MAGI2: variants seen among roughly 807,000 people sequenced by gnomAD.
MAGI2 encodes the protein membrane associated guanylate kinase, WW and PDZ domain containing 2, also known as membrane-associated guanylate kinase, WW and PDZ domain-containing protein 2.
MAGI2 carries 35 observed loss-of-function variants against 133.3 expected under a neutral mutation model. The observed-to-expected ratio is 0.26, with a 90% CI of 0.20 to 0.35. The LOEUF (loss-of-function observed/expected upper bound fraction) is 0.35. Among genes scored for constraint, MAGI2 ranks in the 10% least tolerant of loss-of-function variants. MAGI2 has a pLI of 1.00. For missense variants in MAGI2, 1,636 were observed against 1,863.4 expected (o/e 0.88, Z 2.25); for synonymous variants, 729 against 710.6 (o/e 1.03, Z -0.41).
At chr7:78,653,775 TAAAA>T (rs3085457) in intron 2 of MAGI2, among the ~76,000 whole-genome samples, 35 of 142,904 alleles carry the variant, frequency 2.4e-4, no homozygotes, top group Admixed American at 7.0e-4. Flanking sequence ...TGAAGTATGA[TAAAA>T]AAAAAAAAAA....
chr7:78,315,030 T>C (rs1031445544), intron 9 of MAGI2, among the ~76,000 whole-genome samples: 6 of 152,168 alleles, frequency 3.9e-5, no homozygotes, highest in South Asian at 2.1e-4. Context: ...TTTGTAATTT[T>C]GTGGTTCACA....
At chr7:78,573,047 A>G (rs1291188397) in intron 3 of MAGI2, among the ~76,000 whole-genome samples, 62 of 75,308 alleles carry the variant, frequency 8.2e-4, no homozygotes, top group South Asian at 5.9e-3. Context: ...ATATATATAT[A>G]TATATATATA....
intron 1 of MAGI2, among the ~76,000 whole-genome samples, chr7:79,398,209 A>C (rs1845199759): frequency 1.3e-5 from 2 of 152,218 alleles, no homozygotes; most frequent in Non-Finnish European, 2.9e-5. Flanking sequence ...CATGGCAGCA[A>C]CATGTGATCT....
intron 4 of MAGI2, among the ~76,000 whole-genome samples, chr7:78,519,413 G>T (rs763719508): frequency 6.6e-6 from 1 of 152,022 alleles, no homozygotes; most frequent in Non-Finnish European, 1.5e-5. Flanking sequence ...ACAGTATAAG[G>T]GCCACTTGTC....
chr7:78,666,483 T>G (rs372489924), intron 2 of MAGI2, among the ~76,000 whole-genome samples: 1 of 152,112 alleles, frequency 6.6e-6, no homozygotes, highest in Non-Finnish European at 1.5e-5. Context: ...CCTTTGAAAG[T>G]TGTAGAGAAC....
chr7:79,266,173 A>G (rs555363255), intron 1 of MAGI2, among the ~76,000 whole-genome samples: 7 of 151,798 alleles, frequency 4.6e-5, no homozygotes, highest in Non-Finnish European at 1.0e-4. Flanking sequence ...CAGGATCCTG[A>G]CCCCATATGG....
At chr7:78,191,193 G>A (rs1031969212) in intron 12 of MAGI2, among the ~76,000 whole-genome samples, 1 of 151,468 alleles carries the variant, frequency 6.6e-6, no homozygotes, top group Non-Finnish European at 1.5e-5. Flanking sequence ...GTAAGTTTAA[G>A]CTTATATGGA....
At chr7:79,290,055 C>T (rs1836343909) in intron 1 of MAGI2, among the ~76,000 whole-genome samples, 1 of 151,948 alleles carries the variant, frequency 6.6e-6, no homozygotes, top group Admixed American at 6.6e-5. Context: ...AATCTATATG[C>T]CCAGCCTCCA....
chr7:78,560,944 G>C (rs986944516), intron 3 of MAGI2, among the ~76,000 whole-genome samples: 1 of 152,128 alleles, frequency 6.6e-6, no homozygotes, highest in African/African-American at 2.4e-5. Context: ...ACTTTCTCAG[G>C]CATTATACAC....
intron 2 of MAGI2, among the ~76,000 whole-genome samples, chr7:78,995,066 A>T (rs1266038798): frequency 6.6e-6 from 1 of 152,126 alleles, no homozygotes; most frequent in Admixed American, 6.6e-5. Context: ...AAAAAATAAA[A>T]TAAAAGGTTT....
chr7:78,834,469 C>T (rs1791445437), intron 2 of MAGI2, among the ~76,000 whole-genome samples: 1 of 152,192 alleles, frequency 6.6e-6, no homozygotes, highest in African/African-American at 2.4e-5. Context: ...GCTTCTTTCA[C>T]TTAGTGAAAT....
At chr7:79,378,218 G>A (rs1222803481) in intron 1 of MAGI2, among the ~76,000 whole-genome samples, 1 of 151,408 alleles carries the variant, frequency 6.6e-6, no homozygotes, top group African/African-American at 2.4e-5. Flanking sequence ...TCTGAAACTG[G>A]GAGACAACAG....
At chr7:78,644,193 T>C (rs1475312211) in intron 2 of MAGI2, among the ~76,000 whole-genome samples, 4 of 152,086 alleles carry the variant, frequency 2.6e-5, no homozygotes, top group African/African-American at 9.7e-5. Context: ...TACATGGAGC[T>C]ACAAAGAAAA....
At chr7:78,252,217 A>T (rs965564622) in intron 10 of MAGI2, 8 of 151,640 alleles carry the variant, frequency 5.3e-5, no homozygotes, top group Admixed American at 4.6e-4. Context: ...TAGCCACATT[A>T]TTTTGAAAAA....
In MAGI2 at chr7:78,284,465, TA is replaced by T. The variant is rs767556695; in HGVS notation, c.1409-27885del. ...GTTTTCTTTTCTTTTTTTTTTTTTT[TA>T]AAATAAGAATCCTTCATTTCCAGTC... On this transcript the variant is annotated intron_variant, in intron 9 of 21. Coordinates refer to ENST00000354212, the MANE Select transcript of MAGI2 (RefSeq NM_012301.4). Among the ~76,000 whole-genome samples the T allele has an allele frequency of 5.1e-3, 719 of 140,034 alleles. 6 individuals carry two copies. The highest frequency in any genetic ancestry group is 0.017 in the African/African-American group (612 of 35,044). 91.9% of individuals were successfully genotyped at this position (140,034 alleles called of 152,430 possible).
At chr7:78,129,989 G>T (rs1166960746) in intron 18 of MAGI2, among the ~76,000 whole-genome samples, 1 of 145,636 alleles carries the variant, frequency 6.9e-6, no homozygotes, top group Non-Finnish European at 1.5e-5. Context: ...AGCATCTAGA[G>T]TTCAAAGTCT....
At chr7:79,308,262 C>T (rs1447799342) in intron 1 of MAGI2, among the ~76,000 whole-genome samples, 2 of 152,160 alleles carry the variant, frequency 1.3e-5, no homozygotes, top group Non-Finnish European at 2.9e-5. Context: ...ACACACGTAG[C>T]TCAATATTCC....
chr7:78,734,473 G>A (rs1170904772), intron 2 of MAGI2, among the ~76,000 whole-genome samples: 1 of 152,078 alleles, frequency 6.6e-6, no homozygotes, highest in Non-Finnish European at 1.5e-5. Context: ...ATACAGTGTG[G>A]AATATTAATT....
At chr7:79,134,788 A>C (rs939238255) in intron 1 of MAGI2, among the ~76,000 whole-genome samples, 1 of 152,240 alleles carries the variant, frequency 6.6e-6, no homozygotes. Flanking sequence ...CCAAGTATGA[A>C]GGAATGTTTG....
Sources: gnomAD v4.1 joint callset for allele counts (sites outside exome capture counted in the v4.1 genomes callset) on GRCh38, gnomAD v4.1.1 for gene constraint, MANE v1.5 for transcripts, NCBI Gene and HGNC (gene_info 2026-07-23, HGNC 2026-07-21) for gene names.